The following PREP variants were observed in gnomAD, a reference collection of about 807,000 sequenced individuals.
The protein encoded by PREP is dJ355L5.1 (prolyl endopeptidase).
In PREP, 29 loss-of-function variants were observed where a neutral mutation model predicts 87.6. The observed-to-expected ratio is 0.33, with a 90% CI of 0.25 to 0.45. The LOEUF is 0.45. PREP is among the 20% of genes least tolerant of loss of function. PREP has a pLI of 1.00. For synonymous variants in PREP, 337 were observed against 328.6 expected, an observed-to-expected ratio of 1.03 and a Z score of -0.28; for missense variants, 695 against 886.5, an observed-to-expected ratio of 0.78 and a Z score of 2.74.
In PREP at chr6:105,377,388, T is replaced by C. The variant is rs780682057; in HGVS notation, c.252A>G (p.Lys84=). 1.9e-6 allele frequency: 3 copies of C among 1,601,246 alleles called. No homozygotes were observed. Among genetic ancestry groups the C allele is most frequent in the Non-Finnish European group, 2.6e-6 (3 of 1,176,202 alleles). ...AAATTCAGTAAAAGCAGTCTCACCG[T>C]TTTCCTTTCTTGAAGTGGCAACTAT... ...PKYSCHFKKG[K]RYFYFYNTGL... Residue 84 remains lysine (K), a splice_region_variant and synonymous_variant, in exon 3 of 15, where the codon AAA becomes AAG. Transcript: ENST00000652536.
chr6:105,401,582 C>A (rs897896772), intron 1 of PREP, among the ~76,000 whole-genome samples: 2 of 151,822 alleles, frequency 1.3e-5, no homozygotes, highest in East Asian at 3.9e-4. Flanking sequence ...TTTCTCCATT[C>A]CAGCAGGATC....
At chr6:105,379,816 C>T (rs113662988) in intron 2 of PREP, among the ~76,000 whole-genome samples, 9,797 of 152,254 alleles carry the variant, frequency 0.064, 365 homozygotes, top group South Asian at 0.11. Flanking sequence ...CCTGTCATCA[C>T]GGAGCTCATG....
chr6:105,366,184 G>A (rs980799559), intron 6 of PREP, among the ~76,000 whole-genome samples: 2 of 152,128 alleles, frequency 1.3e-5, no homozygotes, highest in Non-Finnish European at 2.9e-5. Flanking sequence ...TTGAACCCGG[G>A]AGGTGGAGGT....
intron 13 of PREP, 140 bp from the exon 14 acceptor site, chr6:105,282,042 C>T (rs889609939): frequency 1.9e-6 from 2 of 1,061,272 alleles, no homozygotes; most frequent in African/African-American, 3.2e-5. Flanking sequence ...CATCAGAAAT[C>T]ACCTGCCCAA....
At chr6:105,356,627 CCTT>C (rs1772106083) in intron 6 of PREP, among the ~76,000 whole-genome samples, 2 of 152,200 alleles carry the variant, frequency 1.3e-5, no homozygotes, top group East Asian at 3.9e-4. Context: ...AGCTCCTCCT[CCTT>C]GTGCCAGAGG....
chr6:105,352,975 C>T lies in PREP; in HGVS notation c.820G>A (p.Ala274Thr), dbSNP rs746795375. 39 of 1,611,196 alleles carry T rather than the reference C, an allele frequency of 2.4e-5. 1 individual carries two copies. The highest frequency in any genetic ancestry group is 1.3e-4 in the East Asian group (6 of 44,884). ...CDLQQESSGI[A>T]GILKWVKLID... ...TGTGTCTGAAAAAATAACTCACCCG[C>T]GATGCCACTGGATTCCTGCTGTAGG... is the stretch of plus-strand genomic sequence containing the variant. Residue 274 changes from alanine (A) to threonine (T), a missense_variant, in exon 7 of 15, where the codon GCG becomes ACG. Coordinates refer to ENST00000652536, the MANE Select transcript of PREP (RefSeq NM_002726.5).
intron 10 of PREP, chr6:105,322,897 G>A: frequency 8.5e-7 from 1 of 1,182,440 alleles, no homozygotes; most frequent in Non-Finnish European, 1.1e-6. Context: ...ACATTGTGGG[G>A]AACATCCAGC....
chr6:105,401,565 C>T (rs1208816560), intron 1 of PREP, among the ~76,000 whole-genome samples: 1 of 152,188 alleles, frequency 6.6e-6, no homozygotes, highest in African/African-American at 2.4e-5. Context: ...TCATTTAGTC[C>T]AGCCTCTTTC....
At chr6:105,401,726 A>C (rs2114742740) in intron 1 of PREP, among the ~76,000 whole-genome samples, 1 of 152,372 alleles carries the variant, frequency 6.6e-6, no homozygotes, top group South Asian at 2.1e-4. Flanking sequence ...CACTGGTCAA[A>C]GAAACCATGA....
intron 10 of PREP, among the ~76,000 whole-genome samples, chr6:105,309,345 G>A (rs1274194852): frequency 3.9e-5 from 6 of 152,128 alleles, no homozygotes; most frequent in Admixed American, 1.3e-4. Context: ...CATCAAGAAT[G>A]ATATAAATCA....
Position 105,333,300 on chromosome 6 carries a change from A to C in PREP, c.1015+14T>G. On this transcript the variant is annotated intron_variant, in intron 8 of 14. Coordinates refer to ENST00000652536, the MANE Select transcript of PREP (RefSeq NM_002726.5). Reference sequence around the variant, plus strand: ...AAAACAAGAGCACAATTTTCAAGTCACATGTGTTCTCACCTAAGACATCTT... The same window carrying C: ...AAAACAAGAGCACAATTTTCAAGTCCCATGTGTTCTCACCTAAGACATCTT... 1 of 1,606,372 alleles carries C rather than the reference A, an allele frequency of 6.2e-7. No homozygotes were observed. Among genetic ancestry groups the C allele is most frequent in the South Asian group, 1.1e-5 (1 of 90,800 alleles).
At chr6:105,388,454 C>T (rs756779685) in intron 2 of PREP, among the ~76,000 whole-genome samples, 3 of 124,668 alleles carry the variant, frequency 2.4e-5, no homozygotes, top group East Asian at 2.4e-4. Flanking sequence ...CATCAAAAAC[C>T]GTATTACAGA....
chr6:105,341,804 T>C (rs981336378), intron 7 of PREP, among the ~76,000 whole-genome samples: 1 of 152,170 alleles, frequency 6.6e-6, no homozygotes, highest in African/African-American at 2.4e-5. Context: ...ATGGATTAAT[T>C]CCTGGACACA....
chr6:105,367,976 C>T (rs1443899107), intron 6 of PREP, among the ~76,000 whole-genome samples: 1 of 152,052 alleles, frequency 6.6e-6, no homozygotes, highest in African/African-American at 2.4e-5. Flanking sequence ...GTCTAGAAAA[C>T]CCAAATAAAT....
intron 10 of PREP, among the ~76,000 whole-genome samples, chr6:105,302,101 T>C (rs1417469641): frequency 6.6e-6 from 1 of 152,226 alleles, no homozygotes; most frequent in Non-Finnish European, 1.5e-5. Context: ...TCAGTTCCAC[T>C]GGTCTGATCT....
chr6:105,325,075 G>T (rs1324546048), intron 9 of PREP, among the ~76,000 whole-genome samples: 1 of 151,988 alleles, frequency 6.6e-6, no homozygotes, highest in Admixed American at 6.6e-5. Context: ...AATGAATACT[G>T]TACTTGCCTA....
chr6:105,401,975 T>C (rs909738574), intron 1 of PREP, among the ~76,000 whole-genome samples: 2 of 152,192 alleles, frequency 1.3e-5, no homozygotes, highest in African/African-American at 2.4e-5. Flanking sequence ...GGCCACAACA[T>C]GTGGATGCAA....
rs558638851 is a variant in PREP, at chr6:105,282,560, T to C, written c.1572A>G (p.Gln524=). ...WHKGGILANK[Q]NCFDDFQCAA... is the part of the protein sequence containing the mutation. ...CACACTGAAAGTCATCAAAGCAGTT[T>C]TGTTTGTTGGCCAAGATACCACCTA... The change falls in exon 13 of 15, where the codon CAA becomes CAG. Residue 524 remains glutamine (Q), a synonymous_variant. Coordinates refer to ENST00000652536, the MANE Select transcript of PREP (RefSeq NM_002726.5). The C allele has an allele frequency of 6.2e-7, 1 of 1,614,072 alleles. No individual in the cohort carries two copies. Among genetic ancestry groups the C allele is most frequent in the Non-Finnish European group, 8.5e-7 (1 of 1,179,986 alleles).
chr6:105,376,169 A>T lies in PREP; in HGVS notation c.341T>A (p.Leu114Gln). The change falls in exon 4 of 15, where the codon CTG becomes CAG. Residue 114 changes from leucine (L) to glutamine (Q), a missense_variant. By Grantham distance (113) the Leu-to-Gln change is moderately radical. Around this residue, in one of 5 missense-constraint regions of PREP, gnomAD observed 517 missense variants for 620.3 expected, o/e 0.83. Coordinates refer to ENST00000652536, the MANE Select transcript of PREP (RefSeq NM_002726.5). The part of the protein sequence containing the change: ...DSLEGEARVF[L>Q]DPNILSDDGT... Reference sequence around the variant, plus strand: ...ATCGTCAGACAGTATGTTGGGGTCCAGGAACACTCTGGCCTCACCCTCTAA... The same window carrying T: ...ATCGTCAGACAGTATGTTGGGGTCCTGGAACACTCTGGCCTCACCCTCTAA... The T allele has an allele frequency of 6.2e-7, 1 of 1,613,978 alleles. No homozygotes were observed. Among genetic ancestry groups the T allele is most frequent in the Non-Finnish European group, 8.5e-7 (1 of 1,179,874 alleles).
Sources: allele counts gnomAD v4.1 joint callset (sites outside exome capture counted in the v4.1 genomes callset), GRCh38; gene constraint gnomAD v4.1.1; regional missense constraint gnomAD v4.1.1; transcripts MANE v1.5; gene names NCBI Gene and HGNC (gene_info 2026-07-23, HGNC 2026-07-21).